Variants in CHMP4B observed in about 807,000 individuals in gnomAD.
CHMP4B encodes SNF7 homolog associated with Alix 1.
CHMP4B carries 1 observed loss-of-function variant against 25.1 expected under a neutral mutation model. The ratio of observed to expected loss-of-function variants is 0.04; its 90% CI spans 0.01 to 0.19. The LOEUF (loss-of-function observed/expected upper bound fraction) is 0.19, where lower values mean the gene tolerates loss of function less well. CHMP4B is among the 10% of genes least tolerant of loss of function. CHMP4B has a pLI of 1.00. For missense variants in CHMP4B, 151 were observed against 289.7 expected, an observed-to-expected ratio of 0.52 and a Z score of 3.48; for synonymous variants, 101 against 115.6, an observed-to-expected ratio of 0.87 and a Z score of 0.81.
chr20:33,840,525 A>G (rs1222855533), intron 1 of CHMP4B, among the ~76,000 whole-genome samples: 2 of 152,184 alleles, frequency 1.3e-5, no homozygotes, highest in Non-Finnish European at 2.9e-5. Context: ...TGGTCTACTG[A>G]TACCAAGCCT....
At chr20:33,828,357 A>G (rs1979149526) in intron 1 of CHMP4B, among the ~76,000 whole-genome samples, 1 of 152,310 alleles carries the variant, frequency 6.6e-6, no homozygotes, top group Admixed American at 6.5e-5. Context: ...CTGTTTCTCA[A>G]CAGACGCTGT....
intron 1 of CHMP4B, among the ~76,000 whole-genome samples, chr20:33,834,025 A>T (rs548053809): frequency 6.6e-6 from 1 of 152,316 alleles, no homozygotes. Context: ...AAGTTGCTTC[A>T]TCTTTTCTAG....
chr20:33,838,858 G>T (rs550276614), intron 1 of CHMP4B, among the ~76,000 whole-genome samples: 2 of 152,280 alleles, frequency 1.3e-5, no homozygotes, highest in East Asian at 1.9e-4. Context: ...CTGATCAGCT[G>T]CCCTTTGGGG....
At chr20:33,826,496 A>G (rs1979098037) in intron 1 of CHMP4B, among the ~76,000 whole-genome samples, 1 of 152,158 alleles carries the variant, frequency 6.6e-6, no homozygotes, top group Non-Finnish European at 1.5e-5. Flanking sequence ...GACACATACC[A>G]AATGGATACT....
At chr20:33,832,056 T>C (rs1040872890) in intron 1 of CHMP4B, among the ~76,000 whole-genome samples, 7 of 152,318 alleles carry the variant, frequency 4.6e-5, no homozygotes, top group African/African-American at 1.7e-4. Context: ...GGGTTTTCCC[T>C]CTTGCCTTGC....
intron 1 of CHMP4B, among the ~76,000 whole-genome samples, chr20:33,828,394 T>C (rs1483926443): frequency 6.6e-6 from 1 of 152,180 alleles, no homozygotes; most frequent in African/African-American, 2.4e-5. Context: ...CCTGCCAGAA[T>C]AGTTTTGAAA....
chr20:33,831,741 A>ATTTTTTT, intron 1 of CHMP4B, among the ~76,000 whole-genome samples: 1 of 152,106 alleles, frequency 6.6e-6, no homozygotes, highest in African/African-American at 2.4e-5. Flanking sequence ...TTGTTCTTTA[A>ATTTTTTT]TTTTATTATT....
chr20:33,851,223 CT>C (rs1211907688), intron 3 of CHMP4B, among the ~76,000 whole-genome samples, 157 bp downstream of exon 3: 3 of 152,206 alleles, frequency 2.0e-5, no homozygotes, highest in African/African-American at 7.2e-5. Context: ...TTGAGGGACA[CT>C]TTCTCTATTT....
intron 1 of CHMP4B, among the ~76,000 whole-genome samples, chr20:33,814,697 C>T (rs1978732632): frequency 6.6e-6 from 1 of 152,208 alleles, no homozygotes; most frequent in African/African-American, 2.4e-5. Flanking sequence ...CTCTGACATC[C>T]AGGCCGAAGT....
intron 1 of CHMP4B, among the ~76,000 whole-genome samples, chr20:33,817,422 A>G (rs1978812209): frequency 6.6e-6 from 1 of 152,196 alleles, no homozygotes; most frequent in Non-Finnish European, 1.5e-5. Flanking sequence ...TTTGTAACTC[A>G]AGATAGATTT....
intron 1 of CHMP4B, among the ~76,000 whole-genome samples, chr20:33,832,139 C>T (rs11908136): frequency 0.017 from 2,655 of 152,248 alleles, 80 homozygotes; most frequent in African/African-American, 0.06. Context: ...TCCCCACAAA[C>T]GTCCCCAGCC....
At chr20:33,815,942 A>T (rs769285293) in intron 1 of CHMP4B, among the ~76,000 whole-genome samples, 13 of 152,160 alleles carry the variant, frequency 8.5e-5, no homozygotes, top group Non-Finnish European at 1.8e-4. Context: ...AAAAGAAGTA[A>T]AGCAGAAACA....
intron 2 of CHMP4B, 80 bp downstream of exon 2, chr20:33,848,724 A>G (rs920186782): frequency 9.3e-5 from 138 of 1,485,312 alleles, no homozygotes; most frequent in Admixed American, 6.0e-4. Context: ...CCTTGGGCAG[A>G]CGGATCCCTT....
intron 1 of CHMP4B, among the ~76,000 whole-genome samples, chr20:33,827,659 CT>C (rs1441659268): frequency 1.3e-5 from 2 of 152,228 alleles, no homozygotes; most frequent in Non-Finnish European, 2.9e-5. Flanking sequence ...AGTAGCCTGC[CT>C]CTGACTTTTA....
In CHMP4B at chr20:33,811,454, CG is replaced by C; in HGVS notation, c.-13del. Reference sequence around the variant, plus strand: ...CCGGAGCGGGCGGCGAAGGCCGGCGCGGCGAGCAGCAACCATGTCGGTGTTC... The same window carrying C: ...CCGGAGCGGGCGGCGAAGGCCGGCGCGCGAGCAGCAACCATGTCGGTGTTC... On this transcript the variant is annotated 5_prime_UTR_variant, in exon 1 of 5. Transcript: ENST00000217402. The C allele has an allele frequency of 6.7e-7, 1 of 1,503,362 alleles. No homozygotes were observed. Among genetic ancestry groups the C allele is most frequent in the Non-Finnish European group, 8.9e-7 (1 of 1,124,466 alleles). 93.1% of individuals were successfully genotyped at this position (1,503,362 alleles called of 1,614,324 possible). A position where few individuals can be genotyped will look rare whatever the true frequency, so the allele number is the denominator to read the frequency against.
chr20:33,842,339 C>G (rs185745249), intron 1 of CHMP4B, among the ~76,000 whole-genome samples: 1 of 152,178 alleles, frequency 6.6e-6, no homozygotes, highest in Non-Finnish European at 1.5e-5. Context: ...CTTGCCCATA[C>G]ACACAGGGCA....
chr20:33,841,131 G>C (rs1779726665), intron 1 of CHMP4B, among the ~76,000 whole-genome samples: 1 of 152,174 alleles, frequency 6.6e-6, no homozygotes, highest in Admixed American at 6.5e-5. Flanking sequence ...TTTCATCTTT[G>C]TCCCTTTCAA....
chr20:33,838,713 G>T (rs867979027), intron 1 of CHMP4B, among the ~76,000 whole-genome samples: 7 of 152,198 alleles, frequency 4.6e-5, no homozygotes, highest in Middle Eastern at 3.4e-3. Flanking sequence ...AATGACTATG[G>T]CCCTCACTAA....
chr20:33,852,355 G>A, intron 4 of CHMP4B, 152 bp downstream of exon 4: 1 of 967,330 alleles, frequency 1.0e-6, no homozygotes, highest in Non-Finnish European at 1.7e-6. Context: ...GAACCAGACA[G>A]GATCCATTGT....
Sources: gnomAD v4.1 joint callset for allele counts (sites outside exome capture counted in the v4.1 genomes callset) on GRCh38, gnomAD v4.1.1 for gene constraint, MANE v1.5 for transcripts, NCBI Gene and HGNC (gene_info 2026-07-23, HGNC 2026-07-21) for gene names.